Variants in CUL1 observed in about 807,000 individuals in gnomAD.
CUL1 encodes cullin 1.
A neutral mutation model predicts 118.0 loss-of-function variants in CUL1; 24 were observed. The observed-to-expected ratio is 0.20, with a 90% CI of 0.15 to 0.29. CUL1 has a LOEUF of 0.29. Ranked by LOEUF, CUL1 falls within the 10% of genes least tolerant of loss-of-function variation. The pLI, the probability that CUL1 is intolerant of heterozygous loss-of-function variation, is 1.00. For missense variants in CUL1, 361 were observed against 933.8 expected, an observed-to-expected ratio of 0.39 and a Z score of 7.99; for synonymous variants, 332 against 340.4, an observed-to-expected ratio of 0.98 and a Z score of 0.27.
intron 1 of CUL1, among the ~76,000 whole-genome samples, chr7:148,718,190 A>G (rs1258382260): frequency 3.9e-5 from 6 of 152,222 alleles, no homozygotes; most frequent in African/African-American, 1.4e-4. Context: ...GCATGCTTTA[A>G]GTCTGTTCTT....
intron 2 of CUL1, among the ~76,000 whole-genome samples, chr7:148,751,862 C>G (rs993006962): frequency 1.6e-4 from 24 of 152,154 alleles, no homozygotes; most frequent in African/African-American, 5.8e-4. Flanking sequence ...CGCCTGTAAT[C>G]CCAGCAGTTT....
intron 16 of CUL1, among the ~76,000 whole-genome samples, chr7:148,792,145 C>T (rs1378802211): frequency 6.6e-6 from 1 of 151,382 alleles, no homozygotes; most frequent in African/African-American, 2.4e-5. Context: ...GAGATTGTGC[C>T]ACTGCACTCC....
rs1800850559 is a variant in CUL1 at position 148,787,378 on chromosome 7, C to T, written c.1479+258C>T. On this transcript the variant is annotated intron_variant, in intron 13 of 21. Coordinates refer to ENST00000325222, the MANE Select transcript of CUL1 (RefSeq NM_003592.3). The surrounding 1 kb of genome is among the most constrained non-coding windows in gnomAD (Gnocchi z 5.5). The stretch of plus-strand genomic sequence containing the variant: ...TTGGGAGGCTGAGGCAGGAGAATGG[C>T]ATGAACCCGGGAGGCAGAGGTTGCG... Among the ~76,000 whole-genome samples the T allele has an allele frequency of 6.6e-6, 1 of 152,096 alleles. No individual in the cohort carries two copies. The highest frequency in any genetic ancestry group is 2.4e-5 in the African/African-American group (1 of 41,408).
Position 148,787,215 on chromosome 7 carries a change from C to T in CUL1, c.1479+95C>T. On this transcript the variant is annotated intron_variant, in intron 13 of 21. Coordinates refer to ENST00000325222, the MANE Select transcript of CUL1 (RefSeq NM_003592.3). The surrounding 1 kb of genome is among the most constrained non-coding windows in gnomAD (Gnocchi z 5.5). The stretch of plus-strand genomic sequence containing the variant: ...CGGTGGCTCATGCCTGTAATCCCAG[C>T]ACTTTGGGAGGCCGAGGCGGGCAGA... 7.5e-7 allele frequency: 1 copy of T among 1,335,952 alleles called. No individual in the cohort carries two copies. Among genetic ancestry groups the T allele is most frequent in the Non-Finnish European group, 1.0e-6 (1 of 971,790 alleles). 82.8% of individuals were successfully genotyped at this position (1,335,952 alleles called of 1,614,324 possible). A position where few individuals can be genotyped will look rare whatever the true frequency, so the allele number is the denominator to read the frequency against.
chr7:148,751,584 T>G (rs76517917), intron 2 of CUL1, among the ~76,000 whole-genome samples: 3,516 of 151,544 alleles, frequency 0.023, 136 homozygotes, highest in African/African-American at 0.082. Context: ...ACTTAGTATT[T>G]CTGTGCTCCA....
At chr7:148,734,095 A>G (rs1798861129) in intron 2 of CUL1, among the ~76,000 whole-genome samples, 1 of 152,016 alleles carries the variant, frequency 6.6e-6, no homozygotes, top group African/African-American at 2.4e-5. Flanking sequence ...CACTTTAGTT[A>G]ACTTGGTTTT....
At chr7:148,764,768 A>G (rs1563162753) in intron 7 of CUL1, among the ~76,000 whole-genome samples, 1 of 152,250 alleles carries the variant, frequency 6.6e-6, no homozygotes, top group Non-Finnish European at 1.5e-5. Context: ...ATAATCAGAA[A>G]AACAAAATTA....
intron 16 of CUL1, among the ~76,000 whole-genome samples, 178 bp downstream of exon 16, chr7:148,790,619 G>A (rs1178795892): frequency 1.3e-5 from 2 of 152,164 alleles, no homozygotes; most frequent in African/African-American, 4.8e-5. Flanking sequence ...ATTCTTTCTG[G>A]CTGGGGAGCA....
chr7:148,763,928 A>G (rs756671141), intron 7 of CUL1, among the ~76,000 whole-genome samples: 8 of 152,176 alleles, frequency 5.3e-5, no homozygotes, highest in East Asian at 1.9e-4. Flanking sequence ...ACTTTTCTCT[A>G]TTAGGAGTGT....
intron 4 of CUL1, among the ~76,000 whole-genome samples, chr7:148,758,322 C>T (rs1338414638): frequency 1.3e-5 from 2 of 152,150 alleles, no homozygotes; most frequent in African/African-American, 4.8e-5. Context: ...AAGAATGTTG[C>T]TATAATAGCA....
chr7:148,707,901 G>A (rs1797936952), intron 1 of CUL1, among the ~76,000 whole-genome samples: 1 of 152,184 alleles, frequency 6.6e-6, no homozygotes, highest in South Asian at 2.1e-4. Context: ...TTCTCAGGAT[G>A]TCTTGCGTTA....
At chr7:148,763,434 G>A (rs1472515776) in intron 7 of CUL1, among the ~76,000 whole-genome samples, 2 of 152,150 alleles carry the variant, frequency 1.3e-5, no homozygotes, top group Non-Finnish European at 2.9e-5. Context: ...ATGTAATTCT[G>A]CTCTCATCCT....
At chr7:148,780,025 C>T (rs1156938082) in intron 9 of CUL1, among the ~76,000 whole-genome samples, 1 of 152,220 alleles carries the variant, frequency 6.6e-6, no homozygotes, top group East Asian at 1.9e-4. Context: ...AGTTTTGGGA[C>T]TTAGACTGGC....
intron 1 of CUL1, among the ~76,000 whole-genome samples, chr7:148,723,719 G>GA (rs1220473902): frequency 6.7e-6 from 1 of 149,062 alleles, no homozygotes; most frequent in African/African-American, 2.5e-5. Flanking sequence ...ATTTTTAAAT[G>GA]AAAAAAGTTG....
intron 2 of CUL1, among the ~76,000 whole-genome samples, chr7:148,733,649 G>A (rs1411773184): frequency 1.3e-5 from 2 of 150,842 alleles, no homozygotes; most frequent in Admixed American, 1.3e-4. Context: ...GCTTTGGACC[G>A]GGGAAGAAGG....
chr7:148,747,161 T>C (rs988773633), intron 2 of CUL1, among the ~76,000 whole-genome samples: 1 of 152,236 alleles, frequency 6.6e-6, no homozygotes, highest in African/African-American at 2.4e-5. Flanking sequence ...CTTAAGCATA[T>C]GGAAGCTCCC....
At chr7:148,727,623 C>T (rs1009784042) in intron 1 of CUL1, among the ~76,000 whole-genome samples, 2 of 152,116 alleles carry the variant, frequency 1.3e-5, no homozygotes, top group African/African-American at 2.4e-5. Context: ...CAAACCTGTA[C>T]GTCTTCTGGG....
At chr7:148,721,359 G>A (rs1319588154) in intron 1 of CUL1, among the ~76,000 whole-genome samples, 1 of 151,852 alleles carries the variant, frequency 6.6e-6, no homozygotes, top group African/African-American at 2.4e-5. Context: ...AAATGCTTTT[G>A]CTTTTCTATT....
chr7:148,765,058 G>A (rs73467478), intron 7 of CUL1, among the ~76,000 whole-genome samples: 4,694 of 152,004 alleles, frequency 0.031, 241 homozygotes, highest in African/African-American at 0.11. Flanking sequence ...TTTTTATTTG[G>A]TTGTACTCAC....
Sources: gnomAD v4.1 joint callset for allele counts (sites outside exome capture counted in the v4.1 genomes callset) on GRCh38, gnomAD v4.1.1 for gene constraint, Gnocchi (gnomAD v3.1) non-coding constraint, MANE v1.5 for transcripts, NCBI Gene and HGNC (gene_info 2026-07-23, HGNC 2026-07-21) for gene names.